PTPRK: variants seen among roughly 807,000 people sequenced by gnomAD.
PTPRK encodes protein tyrosine phosphatase receptor type K, also known as receptor-type tyrosine-protein phosphatase kappa.
A neutral mutation model predicts 178.0 loss-of-function variants in PTPRK; 75 were observed. The observed-to-expected ratio is 0.42, with a 90% CI of 0.35 to 0.51. The LOEUF (loss-of-function observed/expected upper bound fraction) is 0.51. Ranked by LOEUF, PTPRK falls within the 20% of genes least tolerant of loss-of-function variation. The probability of loss-of-function intolerance (pLI) is 0.02; values close to 1 mark genes in which losing one functional copy is unlikely to be tolerated. For missense variants in PTPRK, 1,441 were observed against 1,797.8 expected (o/e 0.80, Z 3.59); for synonymous variants, 637 against 620.6 (o/e 1.03, Z -0.39).
At chr6:128,040,616 A>G (rs952418032) in intron 13 of PTPRK, among the ~76,000 whole-genome samples, 13 of 152,100 alleles carry the variant, frequency 8.5e-5, no homozygotes, top group Admixed American at 5.3e-4. Context: ...TCTCAGAAAG[A>G]GTAACATTGT....
At chr6:128,350,525 G>A (rs1832982070) in intron 2 of PTPRK, among the ~76,000 whole-genome samples, 1 of 152,150 alleles carries the variant, frequency 6.6e-6, no homozygotes, top group Non-Finnish European at 1.5e-5. Context: ...TAATGAGTAT[G>A]CTAGATCAAG....
At chr6:127,996,165 C>T (rs1281744109) in intron 17 of PTPRK, among the ~76,000 whole-genome samples, 1 of 151,872 alleles carries the variant, frequency 6.6e-6, no homozygotes, top group South Asian at 2.1e-4. Flanking sequence ...AAGTCCCTAA[C>T]GATAAATAAT....
At chr6:128,171,827 A>C (rs962983603) in intron 7 of PTPRK, among the ~76,000 whole-genome samples, 1 of 151,976 alleles carries the variant, frequency 6.6e-6, no homozygotes, top group Non-Finnish European at 1.5e-5. Flanking sequence ...GGTAACATTT[A>C]CCCCATTTTA....
chr6:128,382,410 C>CTTT (rs71028122), intron 2 of PTPRK, among the ~76,000 whole-genome samples: 5 of 131,868 alleles, frequency 3.8e-5, no homozygotes, highest in Non-Finnish European at 7.9e-5. Context: ...TATGAAAATT[C>CTTT]TTTTTTTTTT....
At chr6:128,371,562 A>T (rs1836286656) in intron 2 of PTPRK, among the ~76,000 whole-genome samples, 2 of 152,178 alleles carry the variant, frequency 1.3e-5, no homozygotes, top group Non-Finnish European at 2.9e-5. Flanking sequence ...TTTCAACAGT[A>T]GTTCATACTT....
chr6:128,473,530 T>C (rs1850999208), intron 1 of PTPRK, among the ~76,000 whole-genome samples: 1 of 151,776 alleles, frequency 6.6e-6, no homozygotes, highest in Non-Finnish European at 1.5e-5. Flanking sequence ...TATCCAATGA[T>C]TATTCTTTCC....
intron 3 of PTPRK, among the ~76,000 whole-genome samples, chr6:128,279,103 C>CTT (rs1247356810): frequency 6.6e-6 from 1 of 151,398 alleles, no homozygotes; most frequent in Non-Finnish European, 1.5e-5. Context: ...AGCCTAAGCA[C>CTT]TTATGTAGAG....
intron 3 of PTPRK, among the ~76,000 whole-genome samples, chr6:128,248,406 C>T (rs903372912): frequency 2.6e-5 from 4 of 152,168 alleles, no homozygotes; most frequent in East Asian, 3.9e-4. Context: ...CTCTCTTTGC[C>T]CTATACTTTC....
intron 5 of PTPRK, among the ~76,000 whole-genome samples, chr6:128,231,235 C>G (rs1321135986): frequency 6.6e-6 from 1 of 152,126 alleles, no homozygotes; most frequent in Non-Finnish European, 1.5e-5. Context: ...GAAGATAATG[C>G]TGTGAATTAG....
At chr6:128,303,753 G>A (rs1232326515) in intron 3 of PTPRK, among the ~76,000 whole-genome samples, 1 of 152,010 alleles carries the variant, frequency 6.6e-6, no homozygotes, top group Non-Finnish European at 1.5e-5. Flanking sequence ...AGTTGTTCAA[G>A]CACATTTCTG....
intron 17 of PTPRK, among the ~76,000 whole-genome samples, chr6:127,996,488 T>C (rs1338812463): frequency 2.6e-5 from 4 of 152,162 alleles, no homozygotes; most frequent in Admixed American, 2.0e-4. Context: ...TTGTTGTTTT[T>C]TGAGACAGAG....
chr6:128,008,111 G>C, intron 14 of PTPRK: 3 of 1,301,664 alleles, frequency 2.3e-6, no homozygotes, highest in Non-Finnish European at 3.1e-6. Context: ...TCGTAAAGAG[G>C]CAATATATTA....
chr6:128,088,456 C>G lies in PTPRK; in HGVS notation c.1465+1234G>C, dbSNP rs967888840. On this transcript the variant is annotated intron_variant, in intron 8 of 29. Transcript: ENST00000368226. ...AGAAGAAGTTTAGAAGGGGGTGGAA[C>G]CTCAGAGATCACTTAATTTAAGCCC... Among the ~76,000 whole-genome samples, 6 of 151,810 alleles carry G rather than the reference C, an allele frequency of 4.0e-5. No individual in the cohort carries two copies. The East Asian group carries it at 7.7e-4, about 20-fold the overall frequency.
intron 2 of PTPRK, among the ~76,000 whole-genome samples, chr6:128,333,110 A>G (rs1159927499): frequency 6.6e-6 from 1 of 152,216 alleles, no homozygotes; most frequent in Non-Finnish European, 1.5e-5. Context: ...CCTGTGGCCA[A>G]TTTTGTAATC....
Position 128,203,651 on chromosome 6 carries a change from TTC to T in PTPRK, c.868+15269_868+15270del, listed in dbSNP as rs1248744095. On this transcript the variant is annotated intron_variant, in intron 6 of 29. Coordinates refer to ENST00000368226, the MANE Select transcript of PTPRK (RefSeq NM_002844.4). ...AACAAGAGGCAAGCACAGAGCCAAA[TTC>T]TGAGTAAACTCCCATTCACAATTGC... Among the ~76,000 whole-genome samples, 3 of 152,120 alleles carry T rather than the reference TTC, an allele frequency of 2.0e-5. No individual in the cohort carries two copies. The East Asian group carries it at 5.8e-4, about 29-fold the overall frequency.
intron 13 of PTPRK, among the ~76,000 whole-genome samples, chr6:128,046,947 CA>C (rs1386394966): frequency 2.6e-5 from 4 of 152,238 alleles, no homozygotes; most frequent in Admixed American, 6.5e-5. Context: ...CTGTCACTTA[CA>C]AAAGCATTTC....
chr6:128,180,974 A>C (rs774670351), intron 7 of PTPRK, among the ~76,000 whole-genome samples: 1 of 152,104 alleles, frequency 6.6e-6, no homozygotes, highest in African/African-American at 2.4e-5. Flanking sequence ...ATATTGGACA[A>C]GTTACTGTTT....
At chr6:128,008,963 A>T (rs1232896615) in intron 14 of PTPRK, among the ~76,000 whole-genome samples, 167 bp downstream of exon 14, 1 of 151,208 alleles carries the variant, frequency 6.6e-6, no homozygotes, top group African/African-American at 2.4e-5. Flanking sequence ...ACCAAATAAG[A>T]ATTTATTAGA....
chr6:128,379,112 C>T (rs1303322820), intron 2 of PTPRK, among the ~76,000 whole-genome samples: 5 of 152,074 alleles, frequency 3.3e-5, no homozygotes, highest in Non-Finnish European at 7.4e-5. Flanking sequence ...TAGTTTCTGA[C>T]TAAATGTTCT....
Sources: gnomAD v4.1 joint callset for allele counts (sites outside exome capture counted in the v4.1 genomes callset) on GRCh38, gnomAD v4.1.1 for gene constraint, MANE v1.5 for transcripts, NCBI Gene and HGNC (gene_info 2026-07-23, HGNC 2026-07-21) for gene names.